Variants in CLIC4 observed in about 807,000 individuals in gnomAD.
CLIC4 encodes the protein chloride intracellular channel protein 4.
In CLIC4, 13 loss-of-function variants were observed where a neutral mutation model predicts 24.6. The ratio of observed to expected loss-of-function variants is 0.53; its 90% CI spans 0.34 to 0.84. The LOEUF is 0.84. Among genes scored for constraint, CLIC4 ranks in the 40% least tolerant of loss-of-function variants. CLIC4 has a pLI of 0.01. For synonymous variants in CLIC4, 104 were observed against 111.3 expected (o/e 0.93, Z 0.41); for missense variants, 227 against 301.7 (o/e 0.75, Z 1.83).
chr1:24,819,451 T>C (rs1484999712), intron 3 of CLIC4, among the ~76,000 whole-genome samples: 2 of 152,140 alleles, frequency 1.3e-5, no homozygotes, highest in Non-Finnish European at 2.9e-5. Flanking sequence ...TTTTTTTTTT[T>C]TTTGAGACGG....
chr1:24,768,683 C>CG (rs1280001691), intron 1 of CLIC4, among the ~76,000 whole-genome samples: 5 of 151,994 alleles, frequency 3.3e-5, no homozygotes, highest in African/African-American at 1.2e-4. Flanking sequence ...GAGGCTGAGG[C>CG]GGTCAGTCAG....
chr1:24,798,032 G>A (rs988775466), intron 2 of CLIC4, 181 bp downstream of exon 2: 6 of 483,344 alleles, frequency 1.2e-5, no homozygotes, highest in East Asian at 7.4e-5. Flanking sequence ...AGTATACTGC[G>A]TGGCTACTCA....
At chr1:24,797,049 G>C (rs1253240638) in intron 1 of CLIC4, among the ~76,000 whole-genome samples, 1 of 151,362 alleles carries the variant, frequency 6.6e-6, no homozygotes, top group Non-Finnish European at 1.5e-5. Flanking sequence ...TGTGTCCCGG[G>C]TTCAAGTGAT....
intron 1 of CLIC4, among the ~76,000 whole-genome samples, chr1:24,777,116 ATGTGTGTG>A (rs570323430): frequency 6.6e-6 from 1 of 152,102 alleles, no homozygotes; most frequent in Non-Finnish European, 1.5e-5. Flanking sequence ...GCATGCGTGC[ATGTGTGTG>A]TGTATTTTGT....
chr1:24,774,942 A>C (rs1265466366), intron 1 of CLIC4, among the ~76,000 whole-genome samples: 1 of 152,132 alleles, frequency 6.6e-6, no homozygotes, highest in African/African-American at 2.4e-5. Context: ...GTGGTGGCGC[A>C]TGCCTGTAAT....
At chr1:24,802,686 C>T (rs1042882199) in intron 2 of CLIC4, among the ~76,000 whole-genome samples, 1 of 151,762 alleles carries the variant, frequency 6.6e-6, no homozygotes, top group South Asian at 2.1e-4. Context: ...CTTTATTCTT[C>T]CAAATCTTTT....
intron 2 of CLIC4, among the ~76,000 whole-genome samples, chr1:24,807,150 AT>A (rs1263074115): frequency 6.6e-6 from 1 of 152,084 alleles, no homozygotes; most frequent in Non-Finnish European, 1.5e-5. Context: ...AGAAAATTGA[AT>A]AAAAATTTAA....
intron 1 of CLIC4, among the ~76,000 whole-genome samples, chr1:24,788,763 T>C (rs1057360792): frequency 6.6e-6 from 1 of 152,216 alleles, no homozygotes; most frequent in African/African-American, 2.4e-5. Flanking sequence ...TTTTGCCTCC[T>C]ATATTCCTGA....
intron 2 of CLIC4, among the ~76,000 whole-genome samples, chr1:24,799,616 G>A (rs12732565): frequency 1.5e-4 from 21 of 138,374 alleles, no homozygotes; most frequent in African/African-American, 2.9e-4. Context: ...TCAGCCCCCC[G>A]CCCGGCCAGC....
chr1:24,750,583 T>A (rs537848633), intron 1 of CLIC4, among the ~76,000 whole-genome samples: 5 of 152,156 alleles, frequency 3.3e-5, no homozygotes, highest in African/African-American at 9.6e-5. Flanking sequence ...CAGGCTTGTC[T>A]CGAACTCCTG....
At chr1:24,751,635 A>G (rs1638777576) in intron 1 of CLIC4, among the ~76,000 whole-genome samples, 1 of 152,212 alleles carries the variant, frequency 6.6e-6, no homozygotes, top group South Asian at 2.1e-4. Flanking sequence ...TTGAACCACA[A>G]ATGAGAGTAA....
At chr1:24,763,533 CAAAA>C (rs33955013) in intron 1 of CLIC4, among the ~76,000 whole-genome samples, 1 of 78,956 alleles carries the variant, frequency 1.3e-5, no homozygotes. Flanking sequence ...ACTCCGTCTC[CAAAA>C]AAAAAAAAAA....
chr1:24,822,298 C>G (rs186797240), intron 3 of CLIC4, among the ~76,000 whole-genome samples: 2 of 143,912 alleles, frequency 1.4e-5, no homozygotes. Context: ...TGACTGTGAA[C>G]AAGTGGGACC....
In CLIC4 at chr1:24,840,943, C is replaced by T. The variant is rs1404219853; in HGVS notation, c.*6C>T. 1.6e-5 allele frequency: 25 copies of T among 1,587,484 alleles called. No homozygotes were observed. The highest frequency in any genetic ancestry group is 2.0e-5 in the Non-Finnish European group (23 of 1,168,364). The stretch of plus-strand genomic sequence containing the variant: ...CCAAAAGACTCACCAAGTAAAATCG[C>T]GTTTGTAAAAGAGATGTCTTCATGT... On this transcript the variant is annotated 3_prime_UTR_variant, in exon 6 of 6. Transcript: ENST00000374379.
Position 24,804,700 on chromosome 1 carries a change from A to AGGCTG in CLIC4, c.182+6850_182+6854dup, listed in dbSNP as rs921547390. Among the ~76,000 whole-genome samples the AGGCTG allele has an allele frequency of 1.5e-4, 23 of 152,138 alleles. 1 individual carries two copies. Among genetic ancestry groups the AGGCTG allele is most frequent in the Admixed American group, 1.5e-3 (23 of 15,270 alleles). ...ATTTCAAAGATGATACATCCTGTTGAGGCTGCTAAGAGCTGAATTAATAGA... is the reference window on the plus strand; with the variant it reads ...ATTTCAAAGATGATACATCCTGTTGAGGCTGGGCTGCTAAGAGCTGAATTAATAGA... On this transcript the variant is annotated intron_variant, in intron 2 of 5. Transcript: ENST00000374379.
intron 3 of CLIC4, among the ~76,000 whole-genome samples, chr1:24,819,064 A>T (rs1639700176): frequency 2.0e-5 from 3 of 152,150 alleles, no homozygotes; most frequent in African/African-American, 7.2e-5. Flanking sequence ...CTCTGTCTAT[A>T]ACTAGCTTCT....
At chr1:24,786,285 G>A (rs1192193473) in intron 1 of CLIC4, among the ~76,000 whole-genome samples, 1 of 152,188 alleles carries the variant, frequency 6.6e-6, no homozygotes, top group African/African-American at 2.4e-5. Flanking sequence ...GATTAAACTA[G>A]GTTTTCTAAG....
At chr1:24,764,658 G>GAA (rs112004538) in intron 1 of CLIC4, among the ~76,000 whole-genome samples, 4 of 142,990 alleles carry the variant, frequency 2.8e-5, no homozygotes, top group African/African-American at 1.0e-4. Context: ...TATCTCAAGG[G>GAA]AAAAAAAAAA....
At chr1:24,838,815 G>A (rs1364367049) in intron 4 of CLIC4, among the ~76,000 whole-genome samples, 3 of 152,000 alleles carry the variant, frequency 2.0e-5, no homozygotes, top group Non-Finnish European at 4.4e-5. Context: ...ATACAGTGGT[G>A]CTCTGTCCCA....
Sources: allele counts gnomAD v4.1 joint callset (sites outside exome capture counted in the v4.1 genomes callset), GRCh38; gene constraint gnomAD v4.1.1; transcripts MANE v1.5; gene names NCBI Gene and HGNC (gene_info 2026-07-23, HGNC 2026-07-21).